Variants in KNDC1 observed in about 807,000 individuals in gnomAD.
KNDC1 encodes kinase non-catalytic C-lobe domain-containing protein 1.
A neutral mutation model predicts 172.8 loss-of-function variants in KNDC1; 106 were observed. The observed-to-expected ratio is 0.61, with a 90% CI of 0.52 to 0.72. The LOEUF is 0.72. KNDC1 is among the 30% of genes least tolerant of loss of function. The probability of loss-of-function intolerance (pLI) is 0.00; values close to 1 mark genes in which losing one functional copy is unlikely to be tolerated. For synonymous variants in KNDC1, 1,083 were observed against 1,062.2 expected (o/e 1.02, Z -0.38); for missense variants, 2,325 against 2,394.5 (o/e 0.97, Z 0.61).
chr10:133,200,405 G>C lies in KNDC1; in HGVS notation c.2934G>C (p.Glu978Asp). The change falls in exon 16 of 30, where the codon GAG (glutamate) becomes GAC (aspartate). Residue 978 changes from glutamate (E) to aspartate (D), a missense_variant. Glu to Asp is a conservative substitution (Grantham distance 45). Coordinates refer to ENST00000304613, the MANE Select transcript of KNDC1 (RefSeq NM_152643.8). ...CCGAGGAGGCTGGGTCACAGCTCGA[G>C]GGCAGCCAAAGCCCCCGCTCCCCGT... is the stretch of plus-strand genomic sequence containing the variant. Reference protein sequence around the residue: ...STAEEAGSQLEGSQSPRSPSS... With the variant: ...STAEEAGSQLDGSQSPRSPSS... The C allele has an allele frequency of 6.3e-7, 1 of 1,598,274 alleles. No individual in the cohort carries two copies. Among genetic ancestry groups the C allele is most frequent in the Non-Finnish European group, 8.5e-7 (1 of 1,173,200 alleles).
chr10:133,164,751 C>G (rs1310659743), intron 1 of KNDC1, among the ~76,000 whole-genome samples: 1 of 146,568 alleles, frequency 6.8e-6, no homozygotes, highest in Non-Finnish European at 1.6e-5. Flanking sequence ...GCCCACAGCT[C>G]AGGACTACAG....
At chr10:133,167,297 T>C in intron 1 of KNDC1, 84 bp from the exon 2 acceptor site, 1 of 1,358,484 alleles carries the variant, frequency 7.4e-7, no homozygotes, top group Non-Finnish European at 1.0e-6. Flanking sequence ...GAGTCGTCCG[T>C]TTCCCCAGGG....
intron 29 of KNDC1, among the ~76,000 whole-genome samples, chr10:133,222,027 A>G (rs1189176383): frequency 7.3e-6 from 1 of 137,758 alleles, no homozygotes; most frequent in African/African-American, 2.7e-5. Flanking sequence ...CACGCCAGTA[A>G]CTCTAACACT....
chr10:133,186,356 A>C lies in KNDC1; in HGVS notation c.1008A>C (p.Leu336Phe). 1 of 1,612,682 alleles carries C rather than the reference A, an allele frequency of 6.2e-7. No individual in the cohort carries two copies. The highest frequency in any genetic ancestry group is 8.5e-7 in the Non-Finnish European group (1 of 1,179,952). ...AAAGCCAGCTGCCCATATCGGAATT[A>C]TTCTCTCCGGACCCCAGGAAGGCCT... ...RGKSQLPISE[L>F]FSPDPRKAFL... Residue 336 changes from leucine to phenylalanine, a missense_variant, in exon 6 of 30, where the codon TTA (leucine) becomes TTC (phenylalanine). Leu to Phe is a conservative substitution (Grantham distance 22). Transcript: ENST00000304613.
chr10:133,209,715 G>A lies in KNDC1; in HGVS notation c.3795-896G>A, dbSNP rs865963660. ...TCCCCGCTCTGTGGACCTGGTGGGC[G>A]TCACCTTTGCAGGGCAGCCTGGGGC... On this transcript the variant is annotated intron_variant, in intron 20 of 29. Coordinates refer to ENST00000304613, the MANE Select transcript of KNDC1 (RefSeq NM_152643.8). The surrounding 1 kb of genome is among the most constrained non-coding windows in gnomAD (Gnocchi z 4.9). Among the ~76,000 whole-genome samples, 23 of 152,028 alleles carry A rather than the reference G, an allele frequency of 1.5e-4. No individual in the cohort carries two copies. Among genetic ancestry groups the A allele is most frequent in the Admixed American group, 7.9e-4 (12 of 15,268 alleles).
At chr10:133,213,617 G>A in intron 24 of KNDC1, 28 bp from the exon 25 acceptor site, 7 of 1,607,602 alleles carry the variant, frequency 4.4e-6, no homozygotes, top group Non-Finnish European at 6.0e-6. Context: ...ATGGAAGCCT[G>A]AACCTCTTGT....
At position 133,160,485 on chromosome 10, in the gene KNDC1, G is replaced by T; in HGVS notation, c.18G>T (p.Pro6=). 1.3e-6 allele frequency: 2 copies of T among 1,583,742 alleles called. No homozygotes were observed. Among genetic ancestry groups the T allele is most frequent in the Non-Finnish European group, 1.7e-6 (2 of 1,167,030 alleles). The part of the protein sequence containing the change: MQAMD[P]AAADLYEEDG... ...GCCGCAGGATGCAGGCCATGGACCC[G>T]GCCGCGGCGGATCTTTACGAGGAGG... is the stretch of plus-strand genomic sequence containing the variant. Residue 6 remains proline, a synonymous_variant, in exon 1 of 30, where the codon CCG becomes CCT. Transcript: ENST00000304613.
Position 133,183,385 on chromosome 10 carries a change from C to A in KNDC1, c.402C>A (p.Leu134=). 1 of 1,597,960 alleles carries A rather than the reference C, an allele frequency of 6.3e-7. No homozygotes were observed. Among genetic ancestry groups the A allele is most frequent in the Non-Finnish European group, 8.5e-7 (1 of 1,174,234 alleles). The change falls in exon 4 of 30, where the codon CTC becomes CTA. Residue 134 remains leucine (L), a synonymous_variant. Transcript: ENST00000304613. ...TGGGGGCCACGCTGAAGGCCGCCCT[C>A]GAGTACGTGGCAGAGCCCACACTGG... ...YSLGATLKAA[L]EYVAEPTLEP...
intron 2 of KNDC1, 37 bp from the exon 3 acceptor site, chr10:133,168,217 C>A: frequency 6.3e-7 from 1 of 1,597,708 alleles, no homozygotes. Flanking sequence ...GCAGGTGTGA[C>A]CAGAAGCCTT....
chr10:133,182,807 C>T (rs1032388528), intron 3 of KNDC1, among the ~76,000 whole-genome samples: 3 of 152,168 alleles, frequency 2.0e-5, no homozygotes, highest in African/African-American at 7.2e-5. Context: ...CAGATCTAGG[C>T]CCAACTGCGC....
intron 6 of KNDC1, among the ~76,000 whole-genome samples, chr10:133,187,753 T>G (rs770691787): frequency 1.3e-5 from 2 of 152,190 alleles, no homozygotes; most frequent in Non-Finnish European, 2.9e-5. Context: ...TCACGGTGTG[T>G]GTGTATGTGA....
intron 12 of KNDC1, among the ~76,000 whole-genome samples, chr10:133,198,067 C>A (rs1047176924): frequency 6.6e-6 from 1 of 152,154 alleles, no homozygotes; most frequent in African/African-American, 2.4e-5. Context: ...ACCCCACCCC[C>A]GTACTGAGCC....
At chr10:133,167,240 C>G in intron 1 of KNDC1, 141 bp from the exon 2 acceptor site, 1 of 724,406 alleles carries the variant, frequency 1.4e-6, no homozygotes, top group Non-Finnish European at 2.2e-6. Context: ...CAAAATGAGA[C>G]GTGGTCTAAA....
chr10:133,223,425 G>C (rs1428122926), intron 29 of KNDC1, among the ~76,000 whole-genome samples: 1 of 21,066 alleles, frequency 4.7e-5, no homozygotes, highest in African/African-American at 1.3e-4. Context: ...GTGTGTGTGA[G>C]AGCCCATCCA....
intron 3 of KNDC1, among the ~76,000 whole-genome samples, chr10:133,181,179 A>T (rs1245290098): frequency 6.6e-6 from 1 of 152,084 alleles, no homozygotes; most frequent in South Asian, 2.1e-4. Flanking sequence ...GGGCACCCAC[A>T]GATGCCACAT....
At position 133,197,716 on chromosome 10, in the gene KNDC1, C is replaced by G; in HGVS notation, c.1854C>G (p.Phe618Leu). ...AGACCATCAGCCTCCAAAACGCCTT[C>G]TCAGTGGTTGAACTGAAGCCCAGTG... ...EEETISLQNAFSVVELKPSVA... is the reference protein window; with the variant it reads ...EEETISLQNALSVVELKPSVA... The change falls in exon 12 of 30, where the codon TTC (phenylalanine) becomes TTG (leucine). Residue 618 changes from phenylalanine (F) to leucine (L), a missense_variant. Coordinates refer to ENST00000304613, the MANE Select transcript of KNDC1 (RefSeq NM_152643.8). 1 of 1,613,480 alleles carries G rather than the reference C, an allele frequency of 6.2e-7. No homozygotes were observed. Among genetic ancestry groups the G allele is most frequent in the South Asian group, 1.1e-5 (1 of 91,088 alleles).
rs1657324331 is a variant in KNDC1, at chr10:133,199,499, T to G, written c.2800T>G (p.Phe934Val). 1 of 1,613,892 alleles carries G rather than the reference T, an allele frequency of 6.2e-7. No homozygotes were observed. The highest frequency in any genetic ancestry group is 8.5e-7 in the Non-Finnish European group (1 of 1,179,978). ...CTTGAAAGATCTCACCTTTGCCACT[T>G]TCTGTGGCGCCATTTCCGAGAAGTT... ...FALKDLTFAT[F>V]CGAISEKFCD... The change falls in exon 15 of 30, where the codon TTC becomes GTC. Residue 934 changes from phenylalanine to valine, a missense_variant. Phe to Val is a conservative substitution (Grantham distance 50, BLOSUM62 -1). Coordinates refer to ENST00000304613, the MANE Select transcript of KNDC1 (RefSeq NM_152643.8).
At chr10:133,174,356 G>T (rs534977523) in intron 3 of KNDC1, 1 of 151,460 alleles carries the variant, frequency 6.6e-6, no homozygotes, top group South Asian at 2.1e-4. Flanking sequence ...CTTCCAACAC[G>T]GAAGGAAGGG....
At chr10:133,200,338 G>A (rs754738883) in intron 15 of KNDC1, 37 bp from the exon 16 acceptor site, 1 of 1,504,422 alleles carries the variant, frequency 6.6e-7, no homozygotes, top group African/African-American at 1.4e-5. Context: ...CCTCCCAGTG[G>A]GCGGAGGTGG....
Sources: allele counts gnomAD v4.1 joint callset (sites outside exome capture counted in the v4.1 genomes callset), GRCh38; gene constraint gnomAD v4.1.1; non-coding constraint Gnocchi (gnomAD v3.1); transcripts MANE v1.5; gene names NCBI Gene and HGNC (gene_info 2026-07-23, HGNC 2026-07-21).